Variants in CLVS1 observed in about 807,000 individuals in gnomAD.
The protein encoded by CLVS1 is clavesin 1.
CLVS1 carries 10 observed loss-of-function variants against 33.1 expected under a neutral mutation model. The observed-to-expected ratio is 0.30, with a 90% CI of 0.19 to 0.51. The LOEUF (loss-of-function observed/expected upper bound fraction) is 0.51, where lower values mean the gene tolerates loss of function less well. CLVS1 is among the 20% of genes least tolerant of loss of function. The pLI is 0.97. For missense variants in CLVS1, 343 were observed against 433.4 expected (o/e 0.79, Z 1.85); for synonymous variants, 163 against 166.1 (o/e 0.98, Z 0.14).
intron 5 of CLVS1, among the ~76,000 whole-genome samples, chr8:61,469,421 A>G (rs1051837608): frequency 2.0e-5 from 3 of 152,148 alleles, no homozygotes; most frequent in African/African-American, 7.2e-5. Flanking sequence ...GAGCCATCTG[A>G]TCTTGGGGGT....
chr8:61,173,063 CAT>C lies in CLVS1; in HGVS notation c.-152+41204_-152+41205del, dbSNP rs751276933. Among the ~76,000 whole-genome samples, 26 of 152,260 alleles carry C rather than the reference CAT, an allele frequency of 1.7e-4. No individual in the cohort carries two copies. In the Middle Eastern group the frequency reaches 0.014, roughly 80 times the overall value. On this transcript the variant is annotated intron_variant, in intron 2 of 2. Coordinates refer to the CLVS1 transcript ENST00000522621. ...GTGGCAAACTAGGAAAATTCTGCCT[CAT>C]GTGTCAAGTGCGCATTCAGTACTTT...
chr8:61,231,813 C>A (rs535400774), intron 2 of CLVS1, among the ~76,000 whole-genome samples: 2 of 152,096 alleles, frequency 1.3e-5, no homozygotes, highest in African/African-American at 2.4e-5. Context: ...TTGGTGTAGA[C>A]CAGTAGGGAC....
At chr8:61,114,900 T>G (rs1002046594) in intron 1 of CLVS1, among the ~76,000 whole-genome samples, 2 of 152,218 alleles carry the variant, frequency 1.3e-5, no homozygotes, top group African/African-American at 2.4e-5. Context: ...AGTGTCTTCA[T>G]GTTAGTATAA....
Position 61,499,795 on chromosome 8 carries a change from T to C in CLVS1, c.*253T>C. 3.5e-6 allele frequency: 1 copy of C among 285,420 alleles called. No homozygotes were observed. The allele number at this position is 285,420 out of a possible 1,614,324, so 17.7% of individuals were successfully genotyped here. A position where few individuals can be genotyped will look rare whatever the true frequency, so the allele number is the denominator to read the frequency against. ...ATGCAAGGCATTTATGTAAAAAAGATTCTCCCTCCTTTCATATTTATTGTA... is the reference window on the plus strand; with the variant it reads ...ATGCAAGGCATTTATGTAAAAAAGACTCTCCCTCCTTTCATATTTATTGTA... On this transcript the variant is annotated 3_prime_UTR_variant, in exon 6 of 6. Coordinates refer to ENST00000325897, the MANE Select transcript of CLVS1 (RefSeq NM_173519.3).
chr8:61,074,920 T>C (rs1219464099), intron 1 of CLVS1, among the ~76,000 whole-genome samples: 1 of 152,142 alleles, frequency 6.6e-6, no homozygotes, highest in Admixed American at 6.5e-5. Flanking sequence ...CTTCTAAATG[T>C]TTTATCTGAT....
chr8:61,419,954 G>A (rs1815591204), intron 3 of CLVS1, among the ~76,000 whole-genome samples: 1 of 152,180 alleles, frequency 6.6e-6, no homozygotes, highest in Non-Finnish European at 1.5e-5. Flanking sequence ...ATAAGCTTGT[G>A]AATATTGGCT....
intron 3 of CLVS1, among the ~76,000 whole-genome samples, chr8:61,390,846 T>C (rs1814274224): frequency 1.3e-5 from 2 of 152,244 alleles, no homozygotes; most frequent in Non-Finnish European, 2.9e-5. Context: ...TACAAGTGTT[T>C]ATTTTTGCTG....
At chr8:61,033,021 G>GAA in the CLVS1 span, among the ~76,000 whole-genome samples, 109 of 108,572 alleles carry the variant, frequency 1.0e-3, 2 homozygotes, top group Middle Eastern at 4.4e-3. Flanking sequence ...AAGAAAGAAA[G>GAA]AAAGAAAGAA....
chr8:61,139,383 C>T (rs138587295), intron 2 of CLVS1, among the ~76,000 whole-genome samples: 185 of 152,298 alleles, frequency 1.2e-3, no homozygotes, highest in African/African-American at 4.1e-3. Flanking sequence ...AAAAATGAAA[C>T]AATTCTGTTC....
At chr8:60,997,725 C>A in the CLVS1 span, among the ~76,000 whole-genome samples, 2 of 152,212 alleles carry the variant, frequency 1.3e-5, no homozygotes, top group Non-Finnish European at 2.9e-5. Context: ...GCTCTCCACC[C>A]TCCCTAGAAG....
At chr8:61,417,640 G>A (rs1488106416) in intron 3 of CLVS1, among the ~76,000 whole-genome samples, 1 of 152,156 alleles carries the variant, frequency 6.6e-6, no homozygotes, top group African/African-American at 2.4e-5. Context: ...AATATAAAAA[G>A]CTATTCAAAA....
chr8:61,082,253 T>C (rs184403122), intron 1 of CLVS1, among the ~76,000 whole-genome samples: 8 of 151,588 alleles, frequency 5.3e-5, no homozygotes, highest in Non-Finnish European at 8.8e-5. Flanking sequence ...TGCAAAACCA[T>C]GCAAAGAGAA....
intron 2 of CLVS1, among the ~76,000 whole-genome samples, chr8:61,253,921 G>A (rs1465381556): frequency 6.6e-6 from 1 of 152,024 alleles, no homozygotes; most frequent in African/African-American, 2.4e-5. Context: ...CTCTCAACTC[G>A]TCAAAGTCAT....
At chr8:61,228,840 C>T (rs1808379412) in intron 2 of CLVS1, among the ~76,000 whole-genome samples, 2 of 152,106 alleles carry the variant, frequency 1.3e-5, no homozygotes, top group South Asian at 2.1e-4. Flanking sequence ...GTGAATAATG[C>T]CACAACAATA....
chr8:61,165,163 C>T lies in CLVS1; in HGVS notation c.-152+33303C>T, dbSNP rs140708098. Among the ~76,000 whole-genome samples, 1,370 of 152,318 alleles carry T rather than the reference C, an allele frequency of 9.0e-3. 30 individuals are homozygous for T. Among genetic ancestry groups the T allele is most frequent in the African/African-American group, 0.03 (1,256 of 41,564 alleles). ...CCTTTAGCCCCATCGGGAGTGGCAA[C>T]GGGCACCTCCTTGGATAAGGAGCAT... is the stretch of plus-strand genomic sequence containing the variant. On this transcript the variant is annotated intron_variant, in intron 2 of 2. Coordinates refer to the CLVS1 transcript ENST00000522621.
At chr8:61,122,801 C>CAAA (rs1554537391) in intron 1 of CLVS1, among the ~76,000 whole-genome samples, 5 of 146,524 alleles carry the variant, frequency 3.4e-5, no homozygotes, top group East Asian at 2.0e-4. Context: ...AGCTTCAATC[C>CAAA]TTTCCCAGCT....
At chr8:61,037,551 G>T in the CLVS1 span, among the ~76,000 whole-genome samples, 1 of 152,154 alleles carries the variant, frequency 6.6e-6, no homozygotes, top group East Asian at 1.9e-4. Context: ...CATGCGTGTT[G>T]TTTCCACCAT....
At chr8:61,065,069 A>T (rs1804650604) in intron 1 of CLVS1, among the ~76,000 whole-genome samples, 1 of 152,198 alleles carries the variant, frequency 6.6e-6, no homozygotes, top group Non-Finnish European at 1.5e-5. Flanking sequence ...GTAGTTTAGA[A>T]ATACAGTTGT....
intron 5 of CLVS1, among the ~76,000 whole-genome samples, chr8:61,480,380 G>A (rs1459982799): frequency 6.6e-6 from 1 of 152,204 alleles, no homozygotes; most frequent in African/African-American, 2.4e-5. Flanking sequence ...GATGCTCCGA[G>A]CCAGGTGCAG....
Sources: allele counts gnomAD v4.1 joint callset (sites outside exome capture counted in the v4.1 genomes callset), GRCh38; gene constraint gnomAD v4.1.1; transcripts MANE v1.5; gene names NCBI Gene and HGNC (gene_info 2026-07-23, HGNC 2026-07-21).